The following SEMA6D variants were observed in gnomAD, a reference collection of about 807,000 sequenced individuals.
SEMA6D encodes semaphorin 6D.
Under a neutral mutation model 106.6 loss-of-function variants are expected in SEMA6D, and 35 were observed. That is an observed-to-expected ratio of 0.33 (90% CI 0.25 to 0.44). SEMA6D has a LOEUF of 0.44. Ranked by LOEUF, SEMA6D falls within the 20% of genes least tolerant of loss-of-function variation. The pLI is 1.00. For missense variants in SEMA6D, 1,185 were observed against 1,345.9 expected (o/e 0.88, Z 1.87); for synonymous variants, 499 against 487.7 (o/e 1.02, Z -0.31).
At chr15:47,637,148 C>T (rs1021929065) in intron 4 of SEMA6D, among the ~76,000 whole-genome samples, 1 of 152,170 alleles carries the variant, frequency 6.6e-6, no homozygotes, top group South Asian at 2.1e-4. Flanking sequence ...AAAATGTCTG[C>T]TTTGATCTGA....
At chr15:47,595,424 C>T (rs914739978) in intron 3 of SEMA6D, among the ~76,000 whole-genome samples, 2 of 152,128 alleles carry the variant, frequency 1.3e-5, no homozygotes, top group Non-Finnish European at 2.9e-5. Context: ...GGGATAAATT[C>T]TACTTGATCA....
intron 3 of SEMA6D, among the ~76,000 whole-genome samples, chr15:47,557,860 G>A (rs1373120596): frequency 6.6e-6 from 1 of 152,134 alleles, no homozygotes; most frequent in Non-Finnish European, 1.5e-5. Context: ...TACAGTGAAT[G>A]CAAGGTAAGC....
At chr15:47,212,945 C>T (rs1047672975) in intron 1 of SEMA6D, among the ~76,000 whole-genome samples, 2 of 152,160 alleles carry the variant, frequency 1.3e-5, no homozygotes, top group African/African-American at 4.8e-5. Flanking sequence ...GTCAGGAAAT[C>T]GTATTTTTCT....
At chr15:47,568,193 T>TA (rs61077223) in intron 3 of SEMA6D, among the ~76,000 whole-genome samples, 70,303 of 140,918 alleles carry the variant, frequency 0.5, 18,033 homozygotes, top group South Asian at 0.61. Flanking sequence ...TTTTGCCATT[T>TA]AAAAAAAAAA....
intron 1 of SEMA6D, among the ~76,000 whole-genome samples, chr15:47,370,142 A>G (rs1196914346): frequency 6.6e-6 from 1 of 152,186 alleles, no homozygotes; most frequent in Admixed American, 6.5e-5. Flanking sequence ...CAATACTTAA[A>G]GTCTTTTGGG....
chr15:47,267,492 C>T (rs768246962), intron 1 of SEMA6D, among the ~76,000 whole-genome samples: 1 of 151,942 alleles, frequency 6.6e-6, no homozygotes, highest in African/African-American at 2.4e-5. Flanking sequence ...AGTACATTTC[C>T]CATATGTCTC....
At chr15:47,684,919 A>G (rs1052438643) in intron 4 of SEMA6D, among the ~76,000 whole-genome samples, 2 of 152,230 alleles carry the variant, frequency 1.3e-5, no homozygotes, top group Non-Finnish European at 2.9e-5. Flanking sequence ...CAAATACCAG[A>G]GACCTGGGGA....
intron 1 of SEMA6D, among the ~76,000 whole-genome samples, chr15:47,261,236 T>G (rs1424007382): frequency 2.0e-5 from 3 of 152,158 alleles, no homozygotes. Context: ...CCCATTTTAT[T>G]AAAAACCAAG....
chr15:47,737,251 A>G (rs544346), intron 1 of SEMA6D, among the ~76,000 whole-genome samples: 1 of 152,126 alleles, frequency 6.6e-6, no homozygotes, highest in Non-Finnish European at 1.5e-5. Context: ...GAATAATTAC[A>G]TATTTCAAAA....
At chr15:47,383,729 G>C (rs577064685) in intron 1 of SEMA6D, among the ~76,000 whole-genome samples, 1 of 152,290 alleles carries the variant, frequency 6.6e-6, no homozygotes, top group South Asian at 2.1e-4. Flanking sequence ...CTAATGCCCA[G>C]ATTGAAGCTA....
chr15:47,192,168 G>C (rs1410831688), intron 1 of SEMA6D, among the ~76,000 whole-genome samples: 1 of 152,078 alleles, frequency 6.6e-6, no homozygotes, highest in Non-Finnish European at 1.5e-5. Context: ...AACACTCAGT[G>C]CCTCTGTCTA....
chr15:47,395,201 G>A (rs138181059), intron 1 of SEMA6D, among the ~76,000 whole-genome samples: 1 of 152,294 alleles, frequency 6.6e-6, no homozygotes, highest in Non-Finnish European at 1.5e-5. Context: ...ATACTACACT[G>A]TTCTAACAAG....
At chr15:47,304,770 C>A (rs1368507639) in intron 1 of SEMA6D, among the ~76,000 whole-genome samples, 1 of 152,070 alleles carries the variant, frequency 6.6e-6, no homozygotes, top group Non-Finnish European at 1.5e-5. Context: ...GAACAAGATT[C>A]TTATCTGAGC....
chr15:47,681,207 G>A (rs974623514), intron 4 of SEMA6D, among the ~76,000 whole-genome samples: 2 of 152,184 alleles, frequency 1.3e-5, no homozygotes, highest in Admixed American at 6.5e-5. Flanking sequence ...AATATGAATA[G>A]ATGGATTTAT....
rs1296436160 is a variant in SEMA6D at position 47,771,399 on chromosome 15, G to T, written c.2836G>T (p.Asp946Tyr). ...CAGAAATAGCCCAACCAAGCGAGTG[G>T]ATGTCCCCACCACTCCTGGAGTCCC... ...LPRNSPTKRVDVPTTPGVPMT... is the reference protein window; with the variant it reads ...LPRNSPTKRVYVPTTPGVPMT... Residue 946 changes from aspartate (D) to tyrosine (Y), a missense_variant, in exon 19 of 19, where the codon GAT (aspartate) becomes TAT (tyrosine). Coordinates refer to ENST00000536845, the MANE Select transcript of SEMA6D (RefSeq NM_001358351.3). 4 of 1,613,914 alleles carry T rather than the reference G, an allele frequency of 2.5e-6. No homozygotes were observed. The highest frequency in any genetic ancestry group is 3.4e-6 in the Non-Finnish European group (4 of 1,179,980).
chr15:47,188,993 A>G (rs1893763590), intron 1 of SEMA6D, among the ~76,000 whole-genome samples: 1 of 152,206 alleles, frequency 6.6e-6, no homozygotes, highest in Non-Finnish European at 1.5e-5. Flanking sequence ...GTTTCTAGAA[A>G]AACACTATTA....
intron 1 of SEMA6D, among the ~76,000 whole-genome samples, chr15:47,284,939 A>G (rs1321135262): frequency 2.0e-5 from 3 of 152,190 alleles, no homozygotes; most frequent in Admixed American, 1.3e-4. Flanking sequence ...AGTTCCTTGC[A>G]TGAATAATAG....
At chr15:47,216,314 T>C (rs2030592530) in intron 1 of SEMA6D, among the ~76,000 whole-genome samples, 1 of 152,074 alleles carries the variant, frequency 6.6e-6, no homozygotes, top group Admixed American at 6.6e-5. Flanking sequence ...ATGTGTAATC[T>C]ATGTTAACTC....
At chr15:47,637,864 G>A (rs528408264) in intron 4 of SEMA6D, among the ~76,000 whole-genome samples, 2 of 152,250 alleles carry the variant, frequency 1.3e-5, no homozygotes, top group Admixed American at 6.5e-5. Context: ...AAGTTAAGGA[G>A]CCACTTGACT....
Sources: allele counts gnomAD v4.1 joint callset (sites outside exome capture counted in the v4.1 genomes callset), GRCh38; gene constraint gnomAD v4.1.1; transcripts MANE v1.5; gene names NCBI Gene and HGNC (gene_info 2026-07-23, HGNC 2026-07-21).